LRSAM1: variants seen among roughly 807,000 people sequenced by gnomAD.
LRSAM1 encodes the protein E3 ubiquitin-protein ligase LRSAM1.
In LRSAM1, 96 loss-of-function variants were observed where a neutral mutation model predicts 118.1. That is an observed-to-expected ratio of 0.81 (90% CI 0.69 to 0.96). The LOEUF (loss-of-function observed/expected upper bound fraction) is 0.96, where lower values mean the gene tolerates loss of function less well. Among genes scored for constraint, LRSAM1 ranks in the 40% least tolerant of loss-of-function variants. LRSAM1 has a pLI of 0.00. For missense variants in LRSAM1, 804 were observed against 915.5 expected (o/e 0.88, Z 1.57); for synonymous variants, 322 against 364.2 (o/e 0.88, Z 1.32).
intron 21 of LRSAM1, 113 bp from the exon 22 acceptor site, chr9:127,495,207 C>A (rs1371008440): frequency 9.9e-6 from 9 of 907,404 alleles, no homozygotes; most frequent in Middle Eastern, 2.6e-4. Flanking sequence ...CCCACCTTGG[C>A]CCCCCAAAGT....
chr9:127,502,612 G>A lies in LRSAM1; in HGVS notation c.2047-162G>A, dbSNP rs1240715885. Reference sequence around the variant, plus strand: ...TGAGGCAGGAGAATCACTTAAACCCGGGAGGCTGAGGTTGCAGTGAGCTGA... The same window carrying A: ...TGAGGCAGGAGAATCACTTAAACCCAGGAGGCTGAGGTTGCAGTGAGCTGA... On this transcript the variant is annotated intron_variant, in intron 25 of 25. Transcript: ENST00000300417. 4.6e-5 allele frequency among the ~76,000 whole-genome samples: 7 copies of A among 150,636 alleles called. No homozygotes were observed. In the East Asian group the frequency reaches 9.8e-4, roughly 21 times the overall value.
rs34426300 is a variant in LRSAM1 at position 127,489,464 on chromosome 9, G to A, written c.1368G>A (p.Ala456=). 9.8e-4 allele frequency: 1,583 copies of A among 1,609,588 alleles called. 28 individuals are homozygous for A. In the African/African-American group the frequency reaches 0.019, roughly 20 times the overall value. ...ILQESAMQKA[A]FEALQVKKDL... Reference sequence around the variant, plus strand: ...TGCAGAGCGCGATGCAGAAGGCTGCGTTCGAGGCACTCCAGGTGAAGAAAG... The same window carrying A: ...TGCAGAGCGCGATGCAGAAGGCTGCATTCGAGGCACTCCAGGTGAAGAAAG... Residue 456 remains alanine, a synonymous_variant, in exon 19 of 26, where the codon GCG becomes GCA. Coordinates refer to ENST00000300417, the MANE Select transcript of LRSAM1 (RefSeq NM_001005373.4).
chr9:127,473,753 C>G, intron 10 of LRSAM1, 48 bp from the exon 11 acceptor site: 2 of 1,613,724 alleles, frequency 1.2e-6, no homozygotes, highest in Non-Finnish European at 1.7e-6. Flanking sequence ...CTCTGGGTAC[C>G]TCAGCTGTCT....
chr9:127,499,742 A>G (rs1376048133), intron 24 of LRSAM1, among the ~76,000 whole-genome samples: 1 of 151,716 alleles, frequency 6.6e-6, no homozygotes, highest in African/African-American at 2.4e-5. Context: ...CATCCTGGCT[A>G]ACATGGTGAA....
chr9:127,472,463 G>A (rs1835209471), intron 10 of LRSAM1, among the ~76,000 whole-genome samples: 1 of 151,948 alleles, frequency 6.6e-6, no homozygotes, highest in South Asian at 2.1e-4. Context: ...CCAACATGCG[G>A]AAACCCTGTC....
chr9:127,454,402 A>G (rs1834438672), intron 2 of LRSAM1, 94 bp from the exon 3 acceptor site: 2 of 929,284 alleles, frequency 2.2e-6, no homozygotes, highest in African/African-American at 3.3e-5. Flanking sequence ...GGTCCAGCAG[A>G]CCAGCTGCAT....
chr9:127,473,988 G>C, intron 11 of LRSAM1, 57 bp downstream of exon 11: 3 of 1,611,988 alleles, frequency 1.9e-6, no homozygotes, highest in Non-Finnish European at 2.5e-6. Flanking sequence ...GTGCATGTAT[G>C]TGTGTTGAGG....
chr9:127,497,194 C>T lies in LRSAM1; in HGVS notation c.1831-59C>T, dbSNP rs1836181171. ...GAGCCTGGGCCTGTGCCACGTGGCT[C>T]ACACCATTTAGCGGGCTCCCGCCCA... is the stretch of plus-strand genomic sequence containing the variant. On this transcript the variant is annotated intron_variant, in intron 23 of 25. Coordinates refer to ENST00000300417, the MANE Select transcript of LRSAM1 (RefSeq NM_001005373.4). 2.5e-6 allele frequency: 4 copies of T among 1,570,526 alleles called. No individual in the cohort carries two copies. The African/African-American group carries it at 5.4e-5, about 21-fold the overall frequency.
intron 23 of LRSAM1, 111 bp from the exon 24 acceptor site, chr9:127,497,142 T>C: frequency 9.1e-7 from 1 of 1,102,872 alleles, no homozygotes; most frequent in Non-Finnish European, 1.4e-6. Context: ...CTTCCACATT[T>C]CCAGCAGGAG....
At chr9:127,475,937 A>G (rs920849670) in intron 11 of LRSAM1, among the ~76,000 whole-genome samples, 2 of 151,980 alleles carry the variant, frequency 1.3e-5, no homozygotes, top group South Asian at 4.2e-4. Context: ...ACGGGGTTTC[A>G]CCATGTTGGC....
intron 11 of LRSAM1, among the ~76,000 whole-genome samples, chr9:127,476,748 C>G (rs963102077): frequency 2.0e-5 from 3 of 152,008 alleles, no homozygotes; most frequent in African/African-American, 7.3e-5. Context: ...GATCTCAGCT[C>G]ACTGCAACCT....
intron 10 of LRSAM1, among the ~76,000 whole-genome samples, chr9:127,469,362 C>G (rs1321766055): frequency 1.3e-5 from 2 of 151,774 alleles, no homozygotes; most frequent in Admixed American, 6.6e-5. Context: ...CCCAGCTACT[C>G]AGGAGGCTGA....
intron 16 of LRSAM1, among the ~76,000 whole-genome samples, chr9:127,483,657 CTTTA>C (rs891183495): frequency 2.0e-5 from 3 of 152,090 alleles, no homozygotes; most frequent in African/African-American, 7.2e-5. Context: ...ATCTTAATCA[CTTTA>C]TTTTATTTTA....
chr9:127,493,668 GGGCA>G (rs1836018287), intron 21 of LRSAM1, among the ~76,000 whole-genome samples: 1 of 152,194 alleles, frequency 6.6e-6, no homozygotes, highest in African/African-American at 2.4e-5. Context: ...ACTATGTCCA[GGGCA>G]GGCCGTTTGA....
chr9:127,454,891 T>C (rs1182835824), intron 3 of LRSAM1, 107 bp from the exon 4 acceptor site: 3 of 1,100,480 alleles, frequency 2.7e-6, no homozygotes. Context: ...AACCAGATAG[T>C]GTCTATGGTC....
intron 4 of LRSAM1, 45 bp from the exon 5 acceptor site, chr9:127,455,531 A>T: frequency 6.2e-7 from 1 of 1,603,214 alleles, no homozygotes; most frequent in Non-Finnish European, 8.5e-7. Flanking sequence ...ACAAGCTAAA[A>T]ACTGGCAGGA....
At chr9:127,480,035 G>A in intron 14 of LRSAM1, 57 bp downstream of exon 14, 1 of 1,611,452 alleles carries the variant, frequency 6.2e-7, no homozygotes, top group Non-Finnish European at 8.5e-7. Flanking sequence ...AGTCCCCTGA[G>A]GAGCCGGGAG....
rs570490456 is a variant in LRSAM1 at position 127,495,206 on chromosome 9, G to GC, written c.1600-108dup. ...GACCTCAGGTGATCTGCCCACCTTG[G>GC]CCCCCCAAAGTGCTGGGATTACAGG... On this transcript the variant is annotated intron_variant, in intron 21 of 25. Coordinates refer to ENST00000300417, the MANE Select transcript of LRSAM1 (RefSeq NM_001005373.4). 1.6e-3 allele frequency: 1,398 copies of GC among 895,878 alleles called. 19 individuals carry two copies. In the South Asian group the frequency reaches 0.016, roughly 10 times the overall value. 55.5% of individuals were successfully genotyped at this position (895,878 alleles called of 1,614,324 possible).
chr9:127,500,358 C>CA (rs563842364), intron 24 of LRSAM1, among the ~76,000 whole-genome samples: 2,903 of 93,516 alleles, frequency 0.031, 253 homozygotes, highest in Non-Finnish European at 0.046. Context: ...GAGACTGTCT[C>CA]AAAAAAAAAA....
Sources: allele counts gnomAD v4.1 joint callset (sites outside exome capture counted in the v4.1 genomes callset), GRCh38; gene constraint gnomAD v4.1.1; transcripts MANE v1.5; gene names NCBI Gene and HGNC (gene_info 2026-07-23, HGNC 2026-07-21).